Variants in GRIN2C observed in about 807,000 individuals in gnomAD.
The protein encoded by GRIN2C is glutamate receptor ionotropic, NMDA 2C.
A neutral mutation model predicts 77.7 loss-of-function variants in GRIN2C; 64 were observed. The ratio of observed to expected loss-of-function variants is 0.82; its 90% CI spans 0.67 to 1.01. GRIN2C has a LOEUF of 1.01. Ranked by LOEUF, GRIN2C falls within the 50% of genes least tolerant of loss-of-function variation. The pLI, the probability that GRIN2C is intolerant of heterozygous loss-of-function variation, is 0.00. For synonymous variants in GRIN2C, 792 were observed against 643.4 expected (o/e 1.23, Z -3.49); for missense variants, 1,549 against 1,486.0 (o/e 1.04, Z -0.70).
Position 74,849,638 on chromosome 17 carries a change from C to G in GRIN2C, c.1645+142G>C, listed in dbSNP as rs2037569131. 2.7e-6 allele frequency: 2 copies of G among 744,298 alleles called. No individual in the cohort carries two copies. Among genetic ancestry groups the G allele is most frequent in the Non-Finnish European group, 4.4e-6 (2 of 455,096 alleles). The allele number at this position is 744,298 out of a possible 1,614,324, so 46.1% of individuals were successfully genotyped here. ...CTTCTCCTGTCTCCTTTCCACTCAC[C>G]TCCAGCCAACCTCCAAGACCCAAGG... On this transcript the variant is annotated intron_variant, in intron 7 of 12. Transcript: ENST00000293190. This position sits in a 1 kb window ranked among gnomAD's most constrained non-coding sequence, Gnocchi z 4.6.
chr17:74,843,698 G>T, intron 12 of GRIN2C, 145 bp from the exon 13 acceptor site: 1 of 1,072,550 alleles, frequency 9.3e-7, no homozygotes, highest in Non-Finnish European at 1.3e-6. Flanking sequence ...CATGCGCCAG[G>T]CACTGTGCTT....
chr17:74,861,061 C>T (rs1265944629), upstream of GRIN2C, among the ~76,000 whole-genome samples: 2 of 152,176 alleles, frequency 1.3e-5, no homozygotes, highest in Non-Finnish European at 2.9e-5. Context: ...AGTTTGGGTC[C>T]GCGGCAGCCC....
intron 1 of GRIN2C, among the ~76,000 whole-genome samples, chr17:74,856,951 G>GA (rs772824499): frequency 1.3e-5 from 2 of 152,060 alleles, no homozygotes; most frequent in Non-Finnish European, 2.9e-5. Context: ...TCCCTCCAGG[G>GA]AACCCACTAA....
At position 74,852,174 on chromosome 17, in the gene GRIN2C, C is replaced by A; in HGVS notation, c.837G>T (p.Glu279Asp). 6.8e-7 allele frequency: 1 copy of A among 1,460,884 alleles called. No homozygotes were observed. 90.5% of individuals were successfully genotyped at this position (1,460,884 alleles called of 1,614,324 possible). Reference sequence around the variant, plus strand: ...TCTGGCGCAGGCTGAGGCGCCAGCTCTCGGTGACGACGCTGATGAGGCCCA... The same window carrying A: ...TCTGGCGCAGGCTGAGGCGCCAGCTATCGGTGACGACGCTGATGAGGCCCA... ...FPVGLISVVT[E>D]SWRLSLRQKV... Residue 279 changes from glutamate (E) to aspartate (D), a missense_variant, in exon 3 of 13, where the codon GAG becomes GAT. Glu to Asp is a conservative substitution (Grantham distance 45). Around this residue, in one of 3 missense-constraint regions of GRIN2C, gnomAD observed 717 missense variants for 858.1 expected, o/e 0.84. Coordinates refer to ENST00000293190, the MANE Select transcript of GRIN2C (RefSeq NM_000835.6).
At position 74,850,487 on chromosome 17, in the gene GRIN2C, C is replaced by T; in HGVS notation, c.1325+69G>A. ...CCCTGCCCCACACCCAAGCATGGGA[C>T]ATACACGACACCTGACCATCACACG... On this transcript the variant is annotated intron_variant, in intron 5 of 12. Coordinates refer to ENST00000293190, the MANE Select transcript of GRIN2C (RefSeq NM_000835.6). The surrounding 1 kb of genome is among the most constrained non-coding windows in gnomAD (Gnocchi z 5.3). The T allele has an allele frequency of 6.4e-7, 1 of 1,569,446 alleles. No homozygotes were observed. Among genetic ancestry groups the T allele is most frequent in the Non-Finnish European group, 8.7e-7 (1 of 1,143,534 alleles).
rs2037588114 is a variant in GRIN2C at position 74,850,108 on chromosome 17, G to A, written c.1491+98C>T. On this transcript the variant is annotated intron_variant, in intron 6 of 12. Transcript: ENST00000293190. The surrounding 1 kb of genome is among the most constrained non-coding windows in gnomAD (Gnocchi z 5.3). ...ACCCCAGGAGTCATCATTGGTGACA[G>A]CCCATGCCCCCCTCTAGAGGGCATC... 11 of 1,417,468 alleles carry A rather than the reference G, an allele frequency of 7.8e-6. No individual in the cohort carries two copies. The highest frequency in any genetic ancestry group is 3.5e-5 in the Admixed American group (2 of 57,532). 87.8% of individuals were successfully genotyped at this position (1,417,468 alleles called of 1,614,324 possible).
chr17:74,851,404 AC>A (rs2037638274), intron 4 of GRIN2C, 172 bp downstream of exon 4: 2 of 579,186 alleles, frequency 3.5e-6, no homozygotes, highest in Non-Finnish European at 6.2e-6. Flanking sequence ...CACCTCACCC[AC>A]CCCGGGGCAC....
rs760618680 is a variant in GRIN2C at position 74,847,389 on chromosome 17, G to A, written c.1920C>T (p.Leu640=). ...LVWAFFAVIF[L]ASYTANLAAF... ...CGGCCAGGTTGGCCGTGTAGCTGGC[G>A]AGGAAGATGACAGCAAAGAAGGCCC... Residue 640 remains leucine, a synonymous_variant, in exon 9 of 13, where the codon CTC becomes CTT. Transcript: ENST00000293190. This position sits in a 1 kb window ranked among gnomAD's most constrained non-coding sequence, Gnocchi z 5.2. 1.3e-5 allele frequency: 21 copies of A among 1,613,930 alleles called. No homozygotes were observed. The highest frequency in any genetic ancestry group is 4.0e-5 in the African/African-American group (3 of 74,876).
chr17:74,847,785 T>C lies in GRIN2C; in HGVS notation c.1771+67A>G, dbSNP rs890219760. ...CCAAAGGTATTCTCTGAAGGACCCG[T>C]TGCCCCTGAGCCCAGCCCTCAGGGT... On this transcript the variant is annotated intron_variant, in intron 8 of 12. Transcript: ENST00000293190. This position sits in a 1 kb window ranked among gnomAD's most constrained non-coding sequence, Gnocchi z 5.2. 4.1e-5 allele frequency: 64 copies of C among 1,567,842 alleles called. No individual in the cohort carries two copies. In the South Asian group the frequency reaches 5.1e-4, roughly 13 times the overall value.
Position 74,844,544 on chromosome 17 carries a change from A to G in GRIN2C, c.2351-36T>C, listed in dbSNP as rs753075824. 3.6e-5 allele frequency: 57 copies of G among 1,596,728 alleles called. No homozygotes were observed. In the South Asian group the frequency reaches 6.2e-4, roughly 18 times the overall value. On this transcript the variant is annotated intron_variant, in intron 11 of 12. Coordinates refer to ENST00000293190, the MANE Select transcript of GRIN2C (RefSeq NM_000835.6). Reference sequence around the variant, plus strand: ...GGGGTGTACACATCTGGCTCAGGAAACCCCCCTATAAGCAACCCCCTCACA... The same window carrying G: ...GGGGTGTACACATCTGGCTCAGGAAGCCCCCCTATAAGCAACCCCCTCACA...
At position 74,844,279 on chromosome 17, in the gene GRIN2C, G is replaced by A; in HGVS notation, c.2580C>T (p.Ser860=). The change falls in exon 12 of 13, where the codon AGC becomes AGT. Residue 860 remains serine, a synonymous_variant. Coordinates refer to ENST00000293190, the MANE Select transcript of GRIN2C (RefSeq NM_000835.6). ...SSQLDFLLAF[S]RGIYSCFSGV... ...GTGGGGAGGGGTGGGCACCCACCCT[G>A]CTGAAAGCCAGCAGGAAGTCCAGCT... The A allele has an allele frequency of 6.2e-7, 1 of 1,613,742 alleles. No individual in the cohort carries two copies. Among genetic ancestry groups the A allele is most frequent in the Non-Finnish European group, 8.5e-7 (1 of 1,179,766 alleles).
At position 74,842,996 on chromosome 17, in the gene GRIN2C, C is replaced by CGGGGGCTCT. The variant is rs765056644; in HGVS notation, c.3140_3141insAGAGCCCCC (p.Glu1048_Leu1049insProProGlu). ...CGAGCAGCGGCAGGTCCTCCAGCTC[C>CGGGGGCTCT]GGGAAGAGCGGGAGGAAGGGGCGGC... On this transcript the variant is annotated inframe_insertion, in exon 13 of 13. Transcript: ENST00000293190. 1.7e-5 allele frequency: 9 copies of CGGGGGCTCT among 518,760 alleles called. No individual in the cohort carries two copies. In the African/African-American group the frequency reaches 1.8e-4, roughly 11 times the overall value. The allele number at this position is 518,760 out of a possible 1,614,324, so 32.1% of individuals were successfully genotyped here.
In GRIN2C at chr17:74,858,441, A is replaced by T. The variant is rs566282966; in HGVS notation, c.-16+1303T>A. On this transcript the variant is annotated intron_variant, in intron 1 of 12. Transcript: ENST00000293190. ...GGGATCCCAGAATACCTCCAGAGCC[A>T]GGGGCCAAAACTAGGTAAGTCCCTG... Among the ~76,000 whole-genome samples, 116 of 152,126 alleles carry T rather than the reference A, an allele frequency of 7.6e-4. 1 individual carries two copies. In the South Asian group the frequency reaches 0.017, roughly 23 times the overall value.
intron 2 of GRIN2C, 156 bp from the exon 3 acceptor site, chr17:74,852,767 A>G: frequency 2.2e-6 from 1 of 462,026 alleles, no homozygotes; most frequent in Non-Finnish European, 3.7e-6. Flanking sequence ...CTCCCGCCCC[A>G]ATGTGGTTCC....
chr17:74,847,637 G>A lies in GRIN2C; in HGVS notation c.1772-100C>T. 2.0e-6 allele frequency: 2 copies of A among 981,844 alleles called. No homozygotes were observed. Among genetic ancestry groups the A allele is most frequent in the Non-Finnish European group, 3.1e-6 (2 of 647,620 alleles). The allele number at this position is 981,844 out of a possible 1,614,324, so 60.8% of individuals were successfully genotyped here. On this transcript the variant is annotated intron_variant, in intron 8 of 12. Coordinates refer to ENST00000293190, the MANE Select transcript of GRIN2C (RefSeq NM_000835.6). The surrounding 1 kb of genome is among the most constrained non-coding windows in gnomAD (Gnocchi z 5.2). The stretch of plus-strand genomic sequence containing the variant: ...ACTGCACAGCTCCGGTCTCAGCCTG[G>A]CCTTGGGGGGGACGCGTCCTGGCCA...
rs1567890915 is a variant in GRIN2C, at chr17:74,847,051, C to T, written c.2002-131G>A. On this transcript the variant is annotated intron_variant, in intron 9 of 12. Transcript: ENST00000293190. The surrounding 1 kb of genome is among the most constrained non-coding windows in gnomAD (Gnocchi z 5.2). ...CAGAGCAGAAGGTCTTAAAGGCTGT[C>T]CAGGCCACTCCTGTGTTTTCCAAAT... 1 of 938,928 alleles carries T rather than the reference C, an allele frequency of 1.1e-6. No individual in the cohort carries two copies. Among genetic ancestry groups the T allele is most frequent in the East Asian group, 2.6e-5 (1 of 38,908 alleles). 58.2% of individuals were successfully genotyped at this position (938,928 alleles called of 1,614,324 possible). A position where few individuals can be genotyped will look rare whatever the true frequency, so the allele number is the denominator to read the frequency against.
At position 74,850,701 on chromosome 17, in the gene GRIN2C, G is replaced by C; in HGVS notation, c.1180C>G (p.Leu394Val). Residue 394 changes from leucine to valine, a missense_variant, in exon 5 of 13, where the codon CTG becomes GTG. Transcript: ENST00000293190. The surrounding 1 kb of genome is among the most constrained non-coding windows in gnomAD (Gnocchi z 5.3). ...YPVWPRYSAS[L>V]QPVVDSRHLT... is the part of the protein sequence containing the mutation. Reference sequence around the variant, plus strand: ...TGCCGACTGTCCACCACAGGCTGCAGAGAGGCACTGTAGCGAGGCCACACG... The same window carrying C: ...TGCCGACTGTCCACCACAGGCTGCACAGAGGCACTGTAGCGAGGCCACACG... 6.2e-7 allele frequency: 1 copy of C among 1,613,648 alleles called. No homozygotes were observed. Among genetic ancestry groups the C allele is most frequent in the Non-Finnish European group, 8.5e-7 (1 of 1,180,016 alleles).
At chr17:74,848,306 C>T (rs1269264276) in intron 7 of GRIN2C, among the ~76,000 whole-genome samples, 1 of 152,190 alleles carries the variant, frequency 6.6e-6, no homozygotes, top group Non-Finnish European at 1.5e-5. Flanking sequence ...GAATCAGAGC[C>T]CCTGAGGCCA....
chr17:74,857,872 C>T (rs550792440), intron 1 of GRIN2C, among the ~76,000 whole-genome samples: 111 of 152,200 alleles, frequency 7.3e-4, no homozygotes, highest in African/African-American at 2.4e-3. Flanking sequence ...ATCTCGTAAA[C>T]ACTTGTATCT....
Sources: gnomAD v4.1 joint callset for allele counts (sites outside exome capture counted in the v4.1 genomes callset) on GRCh38, gnomAD v4.1.1 for gene constraint, gnomAD v4.1.1 regional missense constraint, Gnocchi (gnomAD v3.1) non-coding constraint, MANE v1.5 for transcripts, NCBI Gene and HGNC (gene_info 2026-07-23, HGNC 2026-07-21) for gene names.